Variants in ZNF331 observed in about 807,000 individuals in gnomAD.
The protein encoded by ZNF331 is zinc finger protein 331.
A neutral mutation model predicts 7.0 loss-of-function variants in ZNF331; 2 were observed. The observed-to-expected ratio is 0.29, with a 90% CI of 0.12 to 0.90. The LOEUF is 0.90. Among genes scored for constraint, ZNF331 ranks in the 40% least tolerant of loss-of-function variants. The pLI, the probability that ZNF331 is intolerant of heterozygous loss-of-function variation, is 0.58. For missense variants in ZNF331, 432 were observed against 587.7 expected, an observed-to-expected ratio of 0.74 and a Z score of 2.74; for synonymous variants, 196 against 205.4, an observed-to-expected ratio of 0.95 and a Z score of 0.39.
chr19:53,506,335 A>C, the ZNF331 span, among the ~76,000 whole-genome samples: 19,086 of 59,016 alleles, frequency 0.32, 2,355 homozygotes, highest in African/African-American at 0.45. Flanking sequence ...ACTCCGTCTC[A>C]AAAAAAAAAA....
intron 2 of ZNF331, among the ~76,000 whole-genome samples, chr19:53,551,429 C>G (rs1474543406): frequency 6.6e-5 from 10 of 152,128 alleles, no homozygotes; most frequent in African/African-American, 2.4e-4. Flanking sequence ...AGGCATCCAG[C>G]CCAGCCACGG....
chr19:53,543,994 C>T (rs1037281352), intron 2 of ZNF331, among the ~76,000 whole-genome samples: 5 of 152,002 alleles, frequency 3.3e-5, no homozygotes, highest in Admixed American at 1.3e-4. Context: ...TTTGGGAGGT[C>T]GAGGTGGGCA....
chr19:53,505,080 G>C, the ZNF331 span, among the ~76,000 whole-genome samples: 10 of 152,194 alleles, frequency 6.6e-5, no homozygotes, highest in Non-Finnish European at 1.0e-4. Context: ...ATGGGGTTGA[G>C]CTGACAGCGG....
the ZNF331 span, among the ~76,000 whole-genome samples, chr19:53,506,336 A>C: frequency 1.8e-4 from 26 of 144,410 alleles, no homozygotes; most frequent in African/African-American, 4.4e-4. Flanking sequence ...CTCCGTCTCA[A>C]AAAAAAAAAA....
intron 2 of ZNF331, among the ~76,000 whole-genome samples, chr19:53,548,605 C>T (rs1236342742): frequency 6.6e-6 from 1 of 152,170 alleles, no homozygotes; most frequent in East Asian, 1.9e-4. Flanking sequence ...GAAATAGTCT[C>T]TCCCAATCCA....
chr19:53,577,532 G>A lies in ZNF331; in HGVS notation c.972G>A (p.Glu324=). The change falls in exon 6 of 6, where the codon GAG becomes GAA. Residue 324 remains glutamate (E), a synonymous_variant. Coordinates refer to ENST00000449416, the MANE Select transcript of ZNF331 (RefSeq NM_001079906.2). ...AGCATCAGAAGATCCACACCGGTGAGAAGCCTCACGAATGTAAGGAGTGTG... is the reference window on the plus strand; with the variant it reads ...AGCATCAGAAGATCCACACCGGTGAAAAGCCTCACGAATGTAAGGAGTGTG... ...LTQHQKIHTG[E]KPHECKECGK... 1 of 1,612,860 alleles carries A rather than the reference G, an allele frequency of 6.2e-7. No individual in the cohort carries two copies. The highest frequency in any genetic ancestry group is 1.1e-5 in the South Asian group (1 of 91,066).
intron 2 of ZNF331, among the ~76,000 whole-genome samples, chr19:53,525,245 C>T (rs1041006832): frequency 2.6e-5 from 4 of 152,142 alleles, no homozygotes; most frequent in South Asian, 2.1e-4. Context: ...CTTAGCAATG[C>T]GGGCTCTTTT....
At chr19:53,506,400 ACT>A in the ZNF331 span, among the ~76,000 whole-genome samples, 51 of 105,542 alleles carry the variant, frequency 4.8e-4, no homozygotes, top group Non-Finnish European at 8.7e-4. Flanking sequence ...CCACATACAC[ACT>A]CTCTCTCTCC....
intron 2 of ZNF331, among the ~76,000 whole-genome samples, chr19:53,542,711 T>A (rs967518182): frequency 6.6e-6 from 1 of 151,840 alleles, no homozygotes; most frequent in Non-Finnish European, 1.5e-5. Flanking sequence ...TTTGCTAATG[T>A]ATTCATTTTG....
intron 3 of ZNF331, among the ~76,000 whole-genome samples, chr19:53,568,330 A>C (rs1178557031): frequency 3.3e-5 from 5 of 151,994 alleles, no homozygotes; most frequent in African/African-American, 1.2e-4. Context: ...TGGAGTCAGG[A>C]CTCATTACTC....
intron 4 of ZNF331, among the ~76,000 whole-genome samples, chr19:53,570,256 A>C (rs1600479138): frequency 2.1e-4 from 1 of 4,720 alleles, no homozygotes; most frequent in Non-Finnish European, 5.1e-4. Flanking sequence ...ACTCTGTCTC[A>C]AAAAAAAAAA....
At chr19:53,528,015 A>G (rs1350356168) in intron 2 of ZNF331, among the ~76,000 whole-genome samples, 1 of 152,256 alleles carries the variant, frequency 6.6e-6, no homozygotes, top group African/African-American at 2.4e-5. Context: ...ATCCAAATAT[A>G]TGAAATGACT....
chr19:53,512,143 G>GA, the ZNF331 span: 1 of 152,460 alleles, frequency 6.6e-6, no homozygotes, highest in African/African-American at 2.4e-5. Flanking sequence ...CCGGTCCGGG[G>GA]AAGAGGTGGG....
At position 53,577,589 on chromosome 19, in the gene ZNF331, T is replaced by C. The variant is rs556692153; in HGVS notation, c.1029T>C (p.Val343=). The C allele has an allele frequency of 3.7e-5, 59 of 1,612,500 alleles. No homozygotes were observed. Among genetic ancestry groups the C allele is most frequent in the Non-Finnish European group, 5.9e-6 (7 of 1,179,598 alleles). The change falls in exon 6 of 6, where the codon GTT becomes GTC. Residue 343 remains valine (V), a synonymous_variant. Coordinates refer to ENST00000449416, the MANE Select transcript of ZNF331 (RefSeq NM_001079906.2). ...GKAFRWGSSL[V]KHERIHTGEK... ...CCTTTCGCTGGGGTTCGAGCCTCGT[T>C]AAGCACGAGAGGATACATACGGGCG... is the stretch of plus-strand genomic sequence containing the variant.
At chr19:53,544,363 G>C (rs1205678534) in intron 2 of ZNF331, among the ~76,000 whole-genome samples, 5 of 150,988 alleles carry the variant, frequency 3.3e-5, no homozygotes, top group African/African-American at 4.9e-5. Context: ...GGCTAACACG[G>C]TGAAACCCCA....
At chr19:53,509,350 A>T in the ZNF331 span, among the ~76,000 whole-genome samples, 2 of 152,206 alleles carry the variant, frequency 1.3e-5, no homozygotes, top group South Asian at 4.1e-4. Context: ...AGCCTCCAAC[A>T]TAGCCTGATT....
chr19:53,515,985 T>C (rs183274633), upstream of ZNF331, among the ~76,000 whole-genome samples: 207 of 152,280 alleles, frequency 1.4e-3, no homozygotes, highest in African/African-American at 4.7e-3. Context: ...AATTCTGCCA[T>C]TTATGACAAC....
chr19:53,509,716 G>A, the ZNF331 span, among the ~76,000 whole-genome samples: 2 of 152,332 alleles, frequency 1.3e-5, no homozygotes, highest in Admixed American at 1.3e-4. Context: ...GCAATGCAGA[G>A]CCTGGGAAAG....
chr19:53,550,529 CTT>C (rs60619357), intron 2 of ZNF331, among the ~76,000 whole-genome samples: 73 of 64,540 alleles, frequency 1.1e-3, no homozygotes, highest in African/African-American at 4.3e-3. Flanking sequence ...TCTATTTTGT[CTT>C]TTTTTTTTTT....
Sources: gnomAD v4.1 joint callset for allele counts (sites outside exome capture counted in the v4.1 genomes callset) on GRCh38, gnomAD v4.1.1 for gene constraint, MANE v1.5 for transcripts, NCBI Gene and HGNC (gene_info 2026-07-23, HGNC 2026-07-21) for gene names.